SNAPC1: variants seen among roughly 807,000 people sequenced by gnomAD.
SNAPC1 encodes snRNA-activating protein complex subunit 1.
In SNAPC1, 42 loss-of-function variants were observed where a neutral mutation model predicts 50.1. The ratio of observed to expected loss-of-function variants is 0.84; its 90% CI spans 0.65 to 1.08. The LOEUF (loss-of-function observed/expected upper bound fraction) is 1.08. Among genes scored for constraint, SNAPC1 ranks in the 50% least tolerant of loss-of-function variants. The pLI is 0.00. For missense variants in SNAPC1, 477 were observed against 427.3 expected (o/e 1.12, Z -1.02); for synonymous variants, 164 against 144.2 (o/e 1.14, Z -0.98).
chr14:61,771,115 A>G (rs2044987495), intron 4 of SNAPC1, among the ~76,000 whole-genome samples: 1 of 152,198 alleles, frequency 6.6e-6, no homozygotes, highest in African/African-American at 2.4e-5. Flanking sequence ...TCCCCCAAAA[A>G]GGTTAAGAAT....
chr14:61,778,715 C>T, intron 6 of SNAPC1, 133 bp from the exon 7 acceptor site: 1 of 652,122 alleles, frequency 1.5e-6, no homozygotes, highest in Admixed American at 3.3e-5. Context: ...CAATGTATAC[C>T]CAATGTATGT....
chr14:61,766,685 C>T (rs1170921936), intron 1 of SNAPC1, among the ~76,000 whole-genome samples, 191 bp from the exon 2 acceptor site: 2 of 152,152 alleles, frequency 1.3e-5, no homozygotes, highest in East Asian at 3.8e-4. Flanking sequence ...CTTTTGGAAG[C>T]TGCGTCATGT....
At chr14:61,789,900 A>C (rs926568060) in intron 8 of SNAPC1, among the ~76,000 whole-genome samples, 3 of 151,884 alleles carry the variant, frequency 2.0e-5, no homozygotes, top group Non-Finnish European at 2.9e-5. Context: ...ACAAACTGAA[A>C]ATAGGAACAC....
At position 61,768,670 on chromosome 14, in the gene SNAPC1, C is replaced by G; in HGVS notation, c.464C>G (p.Ala155Gly). 6.2e-7 allele frequency: 1 copy of G among 1,610,512 alleles called. No homozygotes were observed. Among genetic ancestry groups the G allele is most frequent in the Non-Finnish European group, 8.5e-7 (1 of 1,177,088 alleles). ...AGGATGAAGAAAAAAATTCACCGAG[C>G]TGAAGTTACAGAAGAATTTAAGGAC... ...SYRMKKKIHRAEVTEEFKDPS... is the reference protein window; with the variant it reads ...SYRMKKKIHRGEVTEEFKDPS... Residue 155 changes from alanine (A) to glycine (G), a missense_variant, in exon 4 of 10, where the codon GCT becomes GGT. Transcript: ENST00000216294.
intron 8 of SNAPC1, among the ~76,000 whole-genome samples, chr14:61,786,769 C>T (rs2045117977): frequency 6.6e-6 from 1 of 152,168 alleles, no homozygotes; most frequent in Non-Finnish European, 1.5e-5. Flanking sequence ...GTGTACTTAC[C>T]ATCCGACCCA....
Position 61,782,296 on chromosome 14 carries a change from C to CT in SNAPC1, c.876dup (p.Asp293Ter). On this transcript the variant is annotated frameshift_variant, in exon 8 of 10. Transcript: ENST00000216294. LOFTEE classifies it high-confidence loss of function. ...CAAGTCAAACTCGACTCTTCTGACT[C>CT]TGATTCTGCATCTGGTCAAGGGCAA... 6.2e-7 allele frequency: 1 copy of CT among 1,612,370 alleles called. No homozygotes were observed. The highest frequency in any genetic ancestry group is 2.2e-5 in the East Asian group (1 of 44,822).
In SNAPC1 at chr14:61,782,305, C is replaced by T; in HGVS notation, c.884C>T (p.Ala295Val). 2 of 1,612,514 alleles carry T rather than the reference C, an allele frequency of 1.2e-6. No homozygotes were observed. Among genetic ancestry groups the T allele is most frequent in the Non-Finnish European group, 1.7e-6 (2 of 1,179,162 alleles). ...CTCGACTCTTCTGACTCTGATTCTG[C>T]ATCTGGTCAAGGGCAAGTCAAAGCA... ...VKLDSSDSDSASGQGQVKATR... is the reference protein window; with the variant it reads ...VKLDSSDSDSVSGQGQVKATR... The change falls in exon 8 of 10, where the codon GCA becomes GTA. Residue 295 changes from alanine to valine, a missense_variant. Coordinates refer to ENST00000216294, the MANE Select transcript of SNAPC1 (RefSeq NM_003082.4).
At chr14:61,775,550 G>T (rs2045029293) in intron 4 of SNAPC1, among the ~76,000 whole-genome samples, 1 of 152,112 alleles carries the variant, frequency 6.6e-6, no homozygotes, top group Non-Finnish European at 1.5e-5. Context: ...CACCACACCT[G>T]GCCTACCCTC....
At chr14:61,788,444 C>T (rs1456117241) in intron 8 of SNAPC1, among the ~76,000 whole-genome samples, 1 of 152,100 alleles carries the variant, frequency 6.6e-6, no homozygotes, top group African/African-American at 2.4e-5. Context: ...AATCCATTTG[C>T]ACATATGATA....
In SNAPC1 at chr14:61,769,393, G is replaced by GTTTTT. The variant is rs766718835; in HGVS notation, c.534+669_534+673dup. Among the ~76,000 whole-genome samples, 64 of 116,360 alleles carry GTTTTT rather than the reference G, an allele frequency of 5.5e-4. 1 individual carries two copies. Among genetic ancestry groups the GTTTTT allele is most frequent in the East Asian group, 1.9e-3 (7 of 3,768 alleles). The allele number at this position is 116,360 out of a possible 152,430, so 76.3% of individuals were successfully genotyped here. A position where few individuals can be genotyped will look rare whatever the true frequency, so the allele number is the denominator to read the frequency against. Reference sequence around the variant, plus strand: ...AACCAATGTGCATTTATTTCCTGAGGTTTTTTTTTTTTTTTTTTTTCTCAC... The same window carrying GTTTTT: ...AACCAATGTGCATTTATTTCCTGAGGTTTTTTTTTTTTTTTTTTTTTTTTTCTCAC... On this transcript the variant is annotated intron_variant, in intron 4 of 9. Transcript: ENST00000216294.
At chr14:61,792,745 G>T in intron 8 of SNAPC1, 62 bp from the exon 9 acceptor site, 2 of 933,662 alleles carry the variant, frequency 2.1e-6, no homozygotes, top group Non-Finnish European at 3.2e-6. Context: ...TTTGTAAAAT[G>T]TTTTCTCAAA....
At chr14:61,776,744 AC>A (rs2045037830) in intron 5 of SNAPC1, among the ~76,000 whole-genome samples, 1 of 152,358 alleles carries the variant, frequency 6.6e-6, no homozygotes, top group African/African-American at 2.4e-5. Flanking sequence ...ATGACAGCAG[AC>A]AGTGGGACCT....
At position 61,778,137 on chromosome 14, in the gene SNAPC1, G is replaced by A. The variant is rs757606687; in HGVS notation, c.759G>A (p.Thr253=). Residue 253 remains threonine, a synonymous_variant, in exon 6 of 10, where the codon ACG becomes ACA. Coordinates refer to ENST00000216294, the MANE Select transcript of SNAPC1 (RefSeq NM_003082.4). The stretch of plus-strand genomic sequence containing the variant: ...AAATGGAAGGAAATTCACAAGAAAC[G>A]GAGGTCAGAAAACTTTGCAATTCAT... ...EEKMEGNSQE[T]ERCERAESLA... 2.0e-5 allele frequency: 32 copies of A among 1,596,620 alleles called. No individual in the cohort carries two copies. The highest frequency in any genetic ancestry group is 6.7e-5 in the East Asian group (3 of 44,460).
intron 4 of SNAPC1, among the ~76,000 whole-genome samples, chr14:61,775,329 C>G (rs1156947233): frequency 1.3e-4 from 20 of 151,434 alleles, no homozygotes; most frequent in Non-Finnish European, 2.9e-4. Context: ...AATCTTGGCT[C>G]ACTGCAACCT....
intron 8 of SNAPC1, among the ~76,000 whole-genome samples, chr14:61,787,171 C>T (rs1436437999): frequency 6.6e-6 from 1 of 152,142 alleles, no homozygotes; most frequent in Non-Finnish European, 1.5e-5. Context: ...CACAGAGAAA[C>T]TTTTGGGGTG....
intron 4 of SNAPC1, among the ~76,000 whole-genome samples, chr14:61,770,903 G>A (rs966536250): frequency 2.0e-5 from 3 of 151,870 alleles, no homozygotes; most frequent in East Asian, 1.9e-4. Context: ...CACCACACTC[G>A]GCTAATTTTT....
At chr14:61,771,936 C>T (rs534769827) in intron 4 of SNAPC1, among the ~76,000 whole-genome samples, 12 of 152,104 alleles carry the variant, frequency 7.9e-5, no homozygotes, top group Admixed American at 2.0e-4. Context: ...TTTGGAATAG[C>T]GGTTGTGGAG....
At chr14:61,772,920 G>A (rs2045003944) in intron 4 of SNAPC1, among the ~76,000 whole-genome samples, 1 of 152,072 alleles carries the variant, frequency 6.6e-6, no homozygotes, top group Admixed American at 6.5e-5. Flanking sequence ...TCCTGGCTCT[G>A]TCGGATCTCT....
chr14:61,791,555 A>G (rs577582012), intron 8 of SNAPC1, among the ~76,000 whole-genome samples: 4 of 152,284 alleles, frequency 2.6e-5, no homozygotes, highest in South Asian at 2.1e-4. Context: ...TAATGATTCT[A>G]TCAAGAAATA....
Sources: gnomAD v4.1 joint callset for allele counts (sites outside exome capture counted in the v4.1 genomes callset) on GRCh38, gnomAD v4.1.1 for gene constraint, MANE v1.5 for transcripts, NCBI Gene and HGNC (gene_info 2026-07-23, HGNC 2026-07-21) for gene names.